The following P4HA3 variants were observed in gnomAD, a reference collection of about 807,000 sequenced individuals.
P4HA3 encodes prolyl 4-hydroxylase subunit alpha 3.
In P4HA3, 60 loss-of-function variants were observed where a neutral mutation model predicts 66.7. The ratio of observed to expected loss-of-function variants is 0.90; its 90% CI spans 0.73 to 1.12. The LOEUF is 1.12. Among genes scored for constraint, P4HA3 ranks in the 50% most tolerant of loss-of-function variants. The probability of loss-of-function intolerance (pLI) is 0.00; values close to 1 mark genes in which losing one functional copy is unlikely to be tolerated. For missense variants in P4HA3, 683 were observed against 685.8 expected, an observed-to-expected ratio of 1.00 and a Z score of 0.05; for synonymous variants, 263 against 274.6, an observed-to-expected ratio of 0.96 and a Z score of 0.42.
chr11:74,267,671 C>A (rs964262015), intron 12 of P4HA3, among the ~76,000 whole-genome samples: 7 of 152,218 alleles, frequency 4.6e-5, no homozygotes, highest in African/African-American at 1.7e-4. Context: ...CATCTCCTGG[C>A]AGCCTCCACC....
chr11:74,266,429 T>C (rs1277997563), downstream of P4HA3, among the ~76,000 whole-genome samples: 1 of 152,242 alleles, frequency 6.6e-6, no homozygotes, highest in Admixed American at 6.5e-5. Flanking sequence ...GTAAATGCTA[T>C]GTAAGAAGAT....
chr11:74,279,031 G>A (rs1860499236), intron 8 of P4HA3, among the ~76,000 whole-genome samples: 1 of 152,200 alleles, frequency 6.6e-6, no homozygotes, highest in African/African-American at 2.4e-5. Context: ...CTTTCAATAT[G>A]AGTCAGGAGG....
chr11:74,272,832 T>A (rs1860253439), intron 10 of P4HA3, among the ~76,000 whole-genome samples: 1 of 152,156 alleles, frequency 6.6e-6, no homozygotes, highest in African/African-American at 2.4e-5. Flanking sequence ...TTAATTCTAA[T>A]ATTCTCTTCC....
rs145609629 is a variant in P4HA3 at position 74,258,700 on chromosome 11, C to G, written c.*1318+1223G>C. 1.4e-4 allele frequency among the ~76,000 whole-genome samples: 21 copies of G among 152,206 alleles called. No homozygotes were observed. In the East Asian group the frequency reaches 3.9e-3, roughly 28 times the overall value. ...GGGCAGGGGCATGGAGGACTAGGACCTGATAATGAGAGGAATGCTCCAAGC... is the reference window on the plus strand; with the variant it reads ...GGGCAGGGGCATGGAGGACTAGGACGTGATAATGAGAGGAATGCTCCAAGC... On this transcript the variant is annotated intron_variant and NMD_transcript_variant, in intron 15 of 15. Transcript: ENST00000524388.
chr11:74,278,380 G>C (rs1860472566), intron 8 of P4HA3, among the ~76,000 whole-genome samples: 1 of 152,178 alleles, frequency 6.6e-6, no homozygotes, highest in African/African-American at 2.4e-5. Flanking sequence ...CTGTGATATG[G>C]AATCTGGACT....
At chr11:74,304,497 G>A in intron 1 of P4HA3, 85 bp from the exon 2 acceptor site, 1 of 1,469,914 alleles carries the variant, frequency 6.8e-7, no homozygotes. Flanking sequence ...TACATTAAGA[G>A]TAGCTAACAC....
At chr11:74,292,836 T>C (rs1171239781) in intron 4 of P4HA3, among the ~76,000 whole-genome samples, 1 of 152,232 alleles carries the variant, frequency 6.6e-6, no homozygotes, top group Non-Finnish European at 1.5e-5. Context: ...TCTGTTCTTT[T>C]ACATTTGCTG....
At chr11:74,251,101 G>C in intron 15 of P4HA3, 1 of 1,535,542 alleles carries the variant, frequency 6.5e-7, no homozygotes, top group Non-Finnish European at 8.8e-7. Flanking sequence ...CTGAGTCTCA[G>C]CCTGCATTGC....
chr11:74,304,371 G>T lies in P4HA3; in HGVS notation c.242C>A (p.Thr81Asn). ...TGCAAGCAGAGGGTTAGCCACAGGG[G>T]TTGTTGAATCCTCATGCAAAGAAAG... ...KVLSLHEDSTTPVANPLLAFT... is the reference protein window; with the variant it reads ...KVLSLHEDSTNPVANPLLAFT... The change falls in exon 2 of 13, where the codon ACC becomes AAC. Residue 81 changes from threonine (T) to asparagine (N), a missense_variant. Thr to Asn is a moderately conservative substitution (Grantham distance 65). Transcript: ENST00000331597. The T allele has an allele frequency of 6.2e-7, 1 of 1,614,092 alleles. No individual in the cohort carries two copies. Among genetic ancestry groups the T allele is most frequent in the South Asian group, 1.1e-5 (1 of 91,086 alleles).
intron 5 of P4HA3, chr11:74,287,144 G>T: frequency 1.6e-6 from 2 of 1,230,094 alleles, no homozygotes; most frequent in Non-Finnish European, 2.1e-6. Context: ...GCTGCAAGAT[G>T]CCCCATGCAT....
intron 3 of P4HA3, among the ~76,000 whole-genome samples, chr11:74,299,225 C>T (rs1397672124): frequency 6.6e-6 from 1 of 152,156 alleles, no homozygotes; most frequent in Non-Finnish European, 1.5e-5. Context: ...CCTGTCTCCT[C>T]ATAGTTTACA....
At chr11:74,297,871 C>T (rs897795939) in intron 4 of P4HA3, among the ~76,000 whole-genome samples, 1 of 152,202 alleles carries the variant, frequency 6.6e-6, no homozygotes, top group African/African-American at 2.4e-5. Flanking sequence ...ATTATGAACC[C>T]ATTAACTATT....
Position 74,300,057 on chromosome 11 carries a change from G to C in P4HA3, c.568-1696C>G, listed in dbSNP as rs191334290. Among the ~76,000 whole-genome samples the C allele has an allele frequency of 2.7e-3, 411 of 152,250 alleles. 6 individuals carry two copies. The highest frequency in any genetic ancestry group is 3.6e-3 in the Non-Finnish European group (248 of 68,026). ...AGCCTCTACTTCTGGTGAGTATAGG[G>C]TTTGAATCTGCAATATTCATATGGT... On this transcript the variant is annotated intron_variant, in intron 3 of 12. Transcript: ENST00000331597.
intron 7 of P4HA3, 38 bp from the exon 8 acceptor site, chr11:74,279,490 T>C (rs749751918): frequency 3.7e-6 from 6 of 1,604,152 alleles, no homozygotes; most frequent in Non-Finnish European, 4.3e-6. Flanking sequence ...CAAGTGGTTA[T>C]GATGCAAAAG....
At chr11:74,274,904 T>C (rs953904106) in intron 9 of P4HA3, among the ~76,000 whole-genome samples, 11 of 152,202 alleles carry the variant, frequency 7.2e-5, no homozygotes, top group African/African-American at 2.2e-4. Flanking sequence ...TGCTATCTCA[T>C]TGTGGTTTTA....
Position 74,285,907 on chromosome 11 carries a change from G to A in P4HA3, c.1012C>T (p.Arg338Trp), listed in dbSNP as rs140365719. 171 of 1,612,298 alleles carry A rather than the reference G, an allele frequency of 1.1e-4. No homozygotes were observed. The highest frequency in any genetic ancestry group is 1.3e-4 in the Non-Finnish European group (155 of 1,178,490). The stretch of plus-strand genomic sequence containing the variant: ...GGCTCCAGGTGGATGACCTCCTTCC[G>A]GATGGGCTGGAGCAGCAGGTAGGCG... ...SNAYLLLQPI[R>W]KEVIHLEPYI... The change falls in exon 7 of 13, where the codon CGG becomes TGG. Residue 338 changes from arginine (R) to tryptophan (W), a missense_variant. Coordinates refer to ENST00000331597, the MANE Select transcript of P4HA3 (RefSeq NM_182904.5).
At chr11:74,310,089 A>G (rs1459868878) in intron 1 of P4HA3, among the ~76,000 whole-genome samples, 1 of 152,186 alleles carries the variant, frequency 6.6e-6, no homozygotes, top group Admixed American at 6.5e-5. Context: ...TCTTTGCTCA[A>G]TGATAAGGTC....
chr11:74,288,287 T>C (rs1255024762), intron 5 of P4HA3, among the ~76,000 whole-genome samples: 1 of 152,176 alleles, frequency 6.6e-6, no homozygotes, highest in Non-Finnish European at 1.5e-5. Flanking sequence ...CTGGGCAGGA[T>C]GCATGCATCA....
intron 1 of P4HA3, among the ~76,000 whole-genome samples, chr11:74,309,492 T>C (rs1328834960): frequency 6.6e-6 from 1 of 152,050 alleles, no homozygotes; most frequent in Non-Finnish European, 1.5e-5. Context: ...CCCACTCCCG[T>C]CTCCATCTGA....
Sources: gnomAD v4.1 joint callset for allele counts (sites outside exome capture counted in the v4.1 genomes callset) on GRCh38, gnomAD v4.1.1 for gene constraint, MANE v1.5 for transcripts, NCBI Gene and HGNC (gene_info 2026-07-23, HGNC 2026-07-21) for gene names.